Variants in AUTS2 observed in about 807,000 individuals in gnomAD.
The protein encoded by AUTS2 is activator of transcription and developmental regulator AUTS2.
In AUTS2, 17 loss-of-function variants were observed where a neutral mutation model predicts 112.4. That is an observed-to-expected ratio of 0.15 (90% confidence interval 0.10 to 0.23). AUTS2 has a LOEUF of 0.23. AUTS2 is among the 10% of genes least tolerant of loss of function. The pLI, the probability that AUTS2 is intolerant of heterozygous loss-of-function variation, is 1.00. For synonymous variants in AUTS2, 751 were observed against 702.7 expected, an observed-to-expected ratio of 1.07 and a Z score of -1.09; for missense variants, 1,510 against 1,701.6, an observed-to-expected ratio of 0.89 and a Z score of 1.98.
chr7:69,627,875 G>A (rs975941505), intron 1 of AUTS2, among the ~76,000 whole-genome samples: 3 of 152,182 alleles, frequency 2.0e-5, no homozygotes, highest in Non-Finnish European at 4.4e-5. Flanking sequence ...TATTATATGT[G>A]AAGTGCATAT....
At chr7:70,782,126 G>T (rs917947162) in intron 15 of AUTS2, 1 of 237,560 alleles carries the variant, frequency 4.2e-6, no homozygotes, top group African/African-American at 2.3e-5. Flanking sequence ...GGATGCGGTC[G>T]CCCTTAATAC....
intron 1 of AUTS2, among the ~76,000 whole-genome samples, chr7:69,876,484 GTATATATATA>G (rs58131271): frequency 0.01 from 556 of 54,212 alleles, 51 homozygotes; most frequent in East Asian, 0.055. Context: ...AATATTTTGT[GTATATATATA>G]TATATATATA....
intron 1 of AUTS2, among the ~76,000 whole-genome samples, chr7:69,704,402 C>T (rs1018297341): frequency 4.3e-4 from 66 of 152,032 alleles, no homozygotes; most frequent in Non-Finnish European, 6.9e-4. Flanking sequence ...CTCAGCCTCC[C>T]GAGTAGCTGG....
chr7:69,682,006 T>C (rs1485275729), intron 1 of AUTS2, among the ~76,000 whole-genome samples: 1 of 152,156 alleles, frequency 6.6e-6, no homozygotes, highest in Non-Finnish European at 1.5e-5. Context: ...ATCTGTGAAA[T>C]GGAAATAATA....
At chr7:69,764,104 G>C (rs532838803) in intron 1 of AUTS2, among the ~76,000 whole-genome samples, 2 of 152,164 alleles carry the variant, frequency 1.3e-5, no homozygotes, top group Admixed American at 1.3e-4. Context: ...TCGTCTACTG[G>C]GTAGCCTGAT....
intron 1 of AUTS2, among the ~76,000 whole-genome samples, chr7:69,886,737 T>A (rs1794289710): frequency 6.6e-6 from 1 of 151,610 alleles, no homozygotes; most frequent in Admixed American, 6.6e-5. Context: ...AGTTCTCTGC[T>A]GCCTGTTAAT....
chr7:69,752,993 T>C (rs1368985617), intron 1 of AUTS2, among the ~76,000 whole-genome samples: 1 of 152,206 alleles, frequency 6.6e-6, no homozygotes, highest in Non-Finnish European at 1.5e-5. Context: ...CCAACGACTG[T>C]GTACTGTCTA....
chr7:70,744,426 C>G (rs1788312009), intron 6 of AUTS2, among the ~76,000 whole-genome samples: 1 of 152,158 alleles, frequency 6.6e-6, no homozygotes, highest in African/African-American at 2.4e-5. Flanking sequence ...CTAGGCCGCC[C>G]TCTCCTGTCT....
intron 2 of AUTS2, among the ~76,000 whole-genome samples, chr7:69,914,025 A>G (rs970216637): frequency 3.3e-5 from 5 of 151,884 alleles, no homozygotes; most frequent in African/African-American, 1.2e-4. Context: ...GGTTTATTTA[A>G]CTCAGGATCT....
At chr7:69,717,281 T>G (rs1798663389) in intron 1 of AUTS2, among the ~76,000 whole-genome samples, 1 of 152,182 alleles carries the variant, frequency 6.6e-6, no homozygotes, top group Admixed American at 6.5e-5. Context: ...GTAAAAGCAC[T>G]TTTAAAATAA....
At chr7:70,483,700 G>A (rs1430387008) in intron 5 of AUTS2, among the ~76,000 whole-genome samples, 1 of 152,102 alleles carries the variant, frequency 6.6e-6, no homozygotes, top group Non-Finnish European at 1.5e-5. Context: ...GGAGGAGAAC[G>A]GCATTCCGCT....
chr7:69,741,415 T>C (rs978719641), intron 1 of AUTS2, among the ~76,000 whole-genome samples: 1 of 152,120 alleles, frequency 6.6e-6, no homozygotes, highest in African/African-American at 2.4e-5. Flanking sequence ...AAGTCTAAAG[T>C]TAATCCAGGA....
intron 5 of AUTS2, among the ~76,000 whole-genome samples, chr7:70,477,533 A>G (rs1266701646): frequency 6.6e-6 from 1 of 152,212 alleles, no homozygotes; most frequent in African/African-American, 2.4e-5. Flanking sequence ...AACTTTGCAC[A>G]GAGGGCATCA....
chr7:70,790,333 C>T lies in AUTS2; in HGVS notation c.3117C>T (p.Ser1039=), dbSNP rs779387498. ...TGIHPMNSIS[S]LDRTRMMTPF... is the part of the protein sequence containing the mutation. ...TTCACCCCATGAACAGCATCAGCAG[C>T]CTGGACAGGACTCGCATGATGACCC... The change falls in exon 19 of 19, where the codon AGC becomes AGT. Residue 1039 remains serine (S), a synonymous_variant. Transcript: ENST00000342771. This position sits in a 1 kb window ranked among gnomAD's most constrained non-coding sequence, Gnocchi z 7.6. The T allele has an allele frequency of 1.2e-6, 2 of 1,613,824 alleles. No homozygotes were observed. Among genetic ancestry groups the T allele is most frequent in the South Asian group, 1.1e-5 (1 of 91,082 alleles).
chr7:69,653,644 T>G (rs1200215668), intron 1 of AUTS2, among the ~76,000 whole-genome samples: 1 of 136,268 alleles, frequency 7.3e-6, no homozygotes, highest in Non-Finnish European at 1.6e-5. Flanking sequence ...GTGGGTTTGG[T>G]TTTTTTTTTT....
chr7:69,867,888 T>C (rs1263263728), intron 1 of AUTS2, among the ~76,000 whole-genome samples: 1 of 152,142 alleles, frequency 6.6e-6, no homozygotes, highest in Non-Finnish European at 1.5e-5. Flanking sequence ...AATTTGAATC[T>C]AGATAAACAA....
At chr7:70,649,008 T>C (rs1400567777) in intron 5 of AUTS2, among the ~76,000 whole-genome samples, 3 of 152,200 alleles carry the variant, frequency 2.0e-5, no homozygotes, top group African/African-American at 7.2e-5. Flanking sequence ...TTAGATCTGT[T>C]TTGAAATTAG....
At chr7:69,802,071 C>T (rs960047283) in intron 1 of AUTS2, among the ~76,000 whole-genome samples, 22 of 152,094 alleles carry the variant, frequency 1.4e-4, no homozygotes, top group African/African-American at 5.3e-4. Context: ...GCTCCTCATC[C>T]CTCATGTTTA....
At chr7:70,012,136 T>TTGGG (rs1799834405) in intron 2 of AUTS2, among the ~76,000 whole-genome samples, 1 of 152,216 alleles carries the variant, frequency 6.6e-6, no homozygotes, top group East Asian at 1.9e-4. Flanking sequence ...CAGTTACCAG[T>TTGGG]TGGGGCATTT....
Sources: gnomAD v4.1 joint callset for allele counts (sites outside exome capture counted in the v4.1 genomes callset) on GRCh38, gnomAD v4.1.1 for gene constraint, Gnocchi (gnomAD v3.1) non-coding constraint, MANE v1.5 for transcripts, NCBI Gene and HGNC (gene_info 2026-07-23, HGNC 2026-07-21) for gene names.